The following KIF3A variants were observed in gnomAD, a reference collection of about 807,000 sequenced individuals.
The protein encoded by KIF3A is kinesin family member 3A.
Under a neutral mutation model 92.6 loss-of-function variants are expected in KIF3A, and 27 were observed. The observed-to-expected ratio is 0.29, with a 90% CI of 0.21 to 0.40. The LOEUF (loss-of-function observed/expected upper bound fraction) is 0.40, where lower values mean the gene tolerates loss of function less well. Among genes scored for constraint, KIF3A ranks in the 10% least tolerant of loss-of-function variants. The probability of loss-of-function intolerance (pLI) is 1.00; values close to 1 mark genes in which losing one functional copy is unlikely to be tolerated. For synonymous variants in KIF3A, 250 were observed against 275.4 expected, an observed-to-expected ratio of 0.91 and a Z score of 0.92; for missense variants, 581 against 872.6, an observed-to-expected ratio of 0.67 and a Z score of 4.21.
intron 1 of KIF3A, among the ~76,000 whole-genome samples, chr5:132,735,503 G>C (rs1276771724): frequency 6.6e-6 from 1 of 152,168 alleles, no homozygotes; most frequent in Non-Finnish European, 1.5e-5. Context: ...AAGCATTGAA[G>C]AGAAACAAAT....
chr5:132,736,564 T>C (rs113985613), intron 1 of KIF3A, among the ~76,000 whole-genome samples: 4,163 of 152,312 alleles, frequency 0.027, 197 homozygotes, highest in African/African-American at 0.096. Flanking sequence ...TAGCATGTGG[T>C]TGGTGCCCAA....
At chr5:132,696,722 T>A in intron 18 of KIF3A, 40 bp from the exon 19 acceptor site, 1 of 1,491,130 alleles carries the variant, frequency 6.7e-7, no homozygotes, top group Non-Finnish European at 9.4e-7. Context: ...AATGCTTTCC[T>A]AAAAGACTGA....
At chr5:132,724,602 T>C (rs574852248) in intron 4 of KIF3A, among the ~76,000 whole-genome samples, 23 of 150,682 alleles carry the variant, frequency 1.5e-4, no homozygotes, top group Non-Finnish European at 3.2e-4. Flanking sequence ...ATGAGAACAC[T>C]TGGACACAGG....
At chr5:132,699,402 G>T in intron 17 of KIF3A, 107 bp from the exon 18 acceptor site, 1 of 1,094,132 alleles carries the variant, frequency 9.1e-7, no homozygotes, top group Non-Finnish European at 1.3e-6. Flanking sequence ...ACCCACAGAA[G>T]CTAAAACCAA....
chr5:132,728,436 T>C (rs936342174), intron 2 of KIF3A, among the ~76,000 whole-genome samples: 8 of 152,124 alleles, frequency 5.3e-5, no homozygotes, highest in African/African-American at 1.9e-4. Context: ...TTACTATTAT[T>C]TAAAGATAAT....
intron 17 of KIF3A, chr5:132,699,513 C>A: frequency 5.1e-6 from 3 of 589,910 alleles, no homozygotes; most frequent in African/African-American, 1.9e-5. Context: ...TTTCCTTGGA[C>A]ATAAAAACTG....
At chr5:132,726,698 A>G (rs1561710508) in intron 2 of KIF3A, among the ~76,000 whole-genome samples, 200 bp from the exon 3 acceptor site, 1 of 152,208 alleles carries the variant, frequency 6.6e-6, no homozygotes, top group Non-Finnish European at 1.5e-5. Context: ...ACAGCAGTCA[A>G]TGAGAGATAT....
intron 8 of KIF3A, among the ~76,000 whole-genome samples, chr5:132,715,010 A>T (rs1169167188): frequency 6.6e-6 from 1 of 152,076 alleles, no homozygotes; most frequent in Non-Finnish European, 1.5e-5. Context: ...CTCTCTAAAC[A>T]TTTGTGATGC....
At chr5:132,720,802 G>C in intron 4 of KIF3A, 88 bp from the exon 5 acceptor site, 3 of 709,934 alleles carry the variant, frequency 4.2e-6, no homozygotes, top group Non-Finnish European at 7.2e-6. Flanking sequence ...CACTCTACTA[G>C]ACAGAGGGAA....
chr5:132,710,913 T>C, intron 9 of KIF3A, 46 bp downstream of exon 9: 1 of 1,613,280 alleles, frequency 6.2e-7, no homozygotes, highest in Non-Finnish European at 8.5e-7. Context: ...TACCACCTTG[T>C]GAAACCACCT....
At position 132,737,434 on chromosome 5, in the gene KIF3A, G is replaced by T; in HGVS notation, c.-15C>A. 6.2e-7 allele frequency: 1 copy of T among 1,603,944 alleles called. No individual in the cohort carries two copies. The highest frequency in any genetic ancestry group is 8.5e-7 in the Non-Finnish European group (1 of 1,175,688). ...CTCACCGGCATCTTGGCCCCCTCCCGTGCCCGGCGGACGTCCCCGCCCGGG... is the reference window on the plus strand; with the variant it reads ...CTCACCGGCATCTTGGCCCCCTCCCTTGCCCGGCGGACGTCCCCGCCCGGG... On this transcript the variant is annotated 5_prime_UTR_variant, in exon 1 of 19. Transcript: ENST00000403231.
intron 11 of KIF3A, 51 bp from the exon 12 acceptor site, chr5:132,703,670 G>C: frequency 7.2e-7 from 1 of 1,388,164 alleles, no homozygotes; most frequent in Non-Finnish European, 9.9e-7. Flanking sequence ...CAATGTTTCA[G>C]ACTTATATAA....
chr5:132,690,096 G>A (rs1301901356), downstream of KIF3A, among the ~76,000 whole-genome samples: 5 of 152,278 alleles, frequency 3.3e-5, no homozygotes, highest in Non-Finnish European at 5.9e-5. Flanking sequence ...TGCGTCTGTA[G>A]TACCAGCTAC....
In KIF3A at chr5:132,708,769, C is replaced by G. The variant is rs1753313214; in HGVS notation, c.1300+138G>C. ...CAATGAAAGGGGGTGGAGGAATCAT[C>G]ACATGCTTTGTTCTACTGAGGAATC... On this transcript the variant is annotated intron_variant, in intron 10 of 18. Coordinates refer to ENST00000403231, the MANE Select transcript of KIF3A (RefSeq NM_001300791.2). 5 of 544,050 alleles carry G rather than the reference C, an allele frequency of 9.2e-6. No individual in the cohort carries two copies. In the South Asian group the frequency reaches 1.6e-4, roughly 18 times the overall value. The allele number at this position is 544,050 out of a possible 1,614,324, so 33.7% of individuals were successfully genotyped here. A position where few individuals can be genotyped will look rare whatever the true frequency, so the allele number is the denominator to read the frequency against.
intron 10 of KIF3A, among the ~76,000 whole-genome samples, chr5:132,707,181 G>A (rs1474251422): frequency 1.3e-5 from 2 of 149,928 alleles, no homozygotes; most frequent in African/African-American, 2.5e-5. Context: ...AAGTATACCT[G>A]TACAGTAACA....
At chr5:132,700,823 T>C in intron 15 of KIF3A, 123 bp from the exon 16 acceptor site, 1 of 554,822 alleles carries the variant, frequency 1.8e-6, no homozygotes, top group Admixed American at 3.5e-5. Context: ...TATACTGATA[T>C]AACCTTTTTA....
chr5:132,692,271 G>A (rs1323932634), downstream of KIF3A, among the ~76,000 whole-genome samples: 1 of 152,188 alleles, frequency 6.6e-6, no homozygotes, highest in Admixed American at 6.5e-5. Context: ...TCTACTTGAG[G>A]GGAGAGGATG....
chr5:132,731,418 GA>G (rs547234030), intron 2 of KIF3A, among the ~76,000 whole-genome samples: 39 of 151,960 alleles, frequency 2.6e-4, no homozygotes, highest in Non-Finnish European at 5.4e-4. Context: ...AATAGGTGCA[GA>G]AAAAAAATTA....
intron 11 of KIF3A, 45 bp from the exon 12 acceptor site, chr5:132,703,664 G>A: frequency 4.2e-6 from 6 of 1,434,480 alleles, no homozygotes; most frequent in Non-Finnish European, 5.7e-6. Context: ...ATGAATCAAT[G>A]TTTCAGACTT....
Sources: gnomAD v4.1 joint callset for allele counts (sites outside exome capture counted in the v4.1 genomes callset) on GRCh38, gnomAD v4.1.1 for gene constraint, MANE v1.5 for transcripts, NCBI Gene and HGNC (gene_info 2026-07-23, HGNC 2026-07-21) for gene names.